TMEM68: variants seen among roughly 807,000 people sequenced by gnomAD.
The protein encoded by TMEM68 is DGAT1/2-independent enzyme synthesizing storage lipids.
In TMEM68, 25 loss-of-function variants were observed where a neutral mutation model predicts 36.9. The observed-to-expected ratio is 0.68, with a 90% confidence interval of 0.49 to 0.95. The LOEUF (loss-of-function observed/expected upper bound fraction) is 0.95, where lower values mean the gene tolerates loss of function less well. Ranked by LOEUF, TMEM68 falls within the 40% of genes least tolerant of loss-of-function variation. The pLI is 0.00. For synonymous variants in TMEM68, 131 were observed against 124.4 expected (o/e 1.05, Z -0.35); for missense variants, 333 against 392.0 (o/e 0.85, Z 1.27).
At chr8:55,750,703 C>A (rs1484612977) in intron 5 of TMEM68, among the ~76,000 whole-genome samples, 4 of 152,080 alleles carry the variant, frequency 2.6e-5, no homozygotes, top group Admixed American at 6.5e-5. Context: ...CCATGCCTGG[C>A]TAATTTTTGT....
At chr8:55,751,350 T>A in intron 4 of TMEM68, 193 bp from the exon 5 acceptor site, 1 of 543,166 alleles carries the variant, frequency 1.8e-6, no homozygotes, top group Non-Finnish European at 3.2e-6. Flanking sequence ...AATTCTTAAG[T>A]AAAACTCACA....
rs561425319 is a variant in TMEM68 at position 55,752,539 on chromosome 8, G to C, written c.494-1382C>G. 3.6e-4 allele frequency among the ~76,000 whole-genome samples: 55 copies of C among 151,494 alleles called. 1 individual carries two copies. Among genetic ancestry groups the C allele is most frequent in the African/African-American group, 1.3e-3 (53 of 41,250 alleles). ...TGAGGCGGAGGTTGCAGTGAGCAAA[G>C]ATCAAGCCACTGCACTCCAACCTGG... On this transcript the variant is annotated intron_variant, in intron 4 of 7. Transcript: ENST00000434581.
At chr8:55,765,795 T>C (rs1563439239) in intron 1 of TMEM68, among the ~76,000 whole-genome samples, 1 of 152,214 alleles carries the variant, frequency 6.6e-6, no homozygotes, top group Non-Finnish European at 1.5e-5. Context: ...TGAATGGGCT[T>C]AGGAGCCAGA....
At position 55,756,259 on chromosome 8, in the gene TMEM68, C is replaced by T; in HGVS notation, c.478G>A (p.Val160Ile). The change falls in exon 4 of 8, where the codon GTC becomes ATC. Residue 160 changes from valine (V) to isoleucine (I), a missense_variant. Transcript: ENST00000434581. Reference sequence around the variant, plus strand: ...GAAAGTTTACCTGGAATTTTAAAGACAAAGTGATCAGCTACTACTCGGCAA... The same window carrying T: ...GAAAGTTTACCTGGAATTTTAAAGATAAAGTGATCAGCTACTACTCGGCAA... ...RTCRVVADHF[V>I]FKIPGFSLLL... is the part of the protein sequence containing the mutation. 7 of 1,593,028 alleles carry T rather than the reference C, an allele frequency of 4.4e-6. No homozygotes were observed. Among genetic ancestry groups the T allele is most frequent in the Non-Finnish European group, 6.0e-6 (7 of 1,175,110 alleles).
chr8:55,763,132 GAGT>G (rs1368530275), intron 2 of TMEM68, 104 bp from the exon 3 acceptor site: 2 of 570,100 alleles, frequency 3.5e-6, no homozygotes, highest in African/African-American at 3.8e-5. Context: ...TACCCAAAAT[GAGT>G]AGATGGTTAA....
At chr8:55,744,807 A>G (rs1731072140) in intron 6 of TMEM68, among the ~76,000 whole-genome samples, 1 of 152,220 alleles carries the variant, frequency 6.6e-6, no homozygotes, top group African/African-American at 2.4e-5. Context: ...ACAATAAACT[A>G]GCTAATTCAC....
intron 5 of TMEM68, chr8:55,748,253 C>T (rs979207307): frequency 6.6e-6 from 1 of 152,260 alleles, no homozygotes; most frequent in African/African-American, 2.4e-5. Flanking sequence ...GTAACCTCCG[C>T]CTCCTGGGTT....
At chr8:55,769,920 AC>A (rs1309897223) in intron 1 of TMEM68, among the ~76,000 whole-genome samples, 1 of 152,222 alleles carries the variant, frequency 6.6e-6, no homozygotes, top group Non-Finnish European at 1.5e-5. Context: ...GGCGTGAGCC[AC>A]CCTGCTTGGC....
chr8:55,769,334 A>AAAAAAG (rs1811080008), intron 1 of TMEM68, among the ~76,000 whole-genome samples: 1 of 150,574 alleles, frequency 6.6e-6, no homozygotes, highest in South Asian at 2.1e-4. Context: ...AAAAAAAAAA[A>AAAAAAG]AAAAAAAGAT....
At chr8:55,761,106 A>T (rs1292146131) in intron 3 of TMEM68, 1 of 152,224 alleles carries the variant, frequency 6.6e-6, no homozygotes, top group Non-Finnish European at 1.5e-5. Flanking sequence ...TAAAAAAAAT[A>T]GTTTACTATA....
chr8:55,748,579 G>C (rs4738459), intron 5 of TMEM68, among the ~76,000 whole-genome samples: 1 of 151,210 alleles, frequency 6.6e-6, no homozygotes, highest in Non-Finnish European at 1.5e-5. Flanking sequence ...GGGAGGAAGG[G>C]GGGGAGAGAG....
chr8:55,756,356 A>T lies in TMEM68; in HGVS notation c.381T>A (p.Ile127=), dbSNP rs1563433534. The T allele has an allele frequency of 6.2e-7, 1 of 1,603,990 alleles. No homozygotes were observed. Among genetic ancestry groups the T allele is most frequent in the Non-Finnish European group, 8.5e-7 (1 of 1,176,906 alleles). ...KIPEDGPALI[I]FYHGAIPIDF... ...CTATAGGAATAGCTCCATGATAAAA[A>T]ATTATAAGTGCTGGTCCATCTTCTG... Residue 127 remains isoleucine, a synonymous_variant, in exon 4 of 8, where the codon ATT becomes ATA. Transcript: ENST00000434581.
In TMEM68 at chr8:55,773,355, T is replaced by G; in HGVS notation, c.-201A>C. 5.4e-6 allele frequency: 2 copies of G among 372,524 alleles called. No individual in the cohort carries two copies. The highest frequency in any genetic ancestry group is 4.8e-5 in the East Asian group (1 of 20,838). 23.1% of individuals were successfully genotyped at this position (372,524 alleles called of 1,614,324 possible). A position where few individuals can be genotyped will look rare whatever the true frequency, so the allele number is the denominator to read the frequency against. On this transcript the variant is annotated 5_prime_UTR_variant, in exon 1 of 8. Coordinates refer to ENST00000434581, the MANE Select transcript of TMEM68 (RefSeq NM_001286657.2). ...CGGCGGATTCCTCCGAAGCAACCCG[T>G]GTGAAAGAAGCCAAGCGGCGGCTGC...
intron 1 of TMEM68, among the ~76,000 whole-genome samples, chr8:55,771,811 C>T (rs559930029): frequency 6.6e-6 from 1 of 152,272 alleles, no homozygotes; most frequent in Non-Finnish European, 1.5e-5. Context: ...AGAGATACAG[C>T]ACTGTTTTAC....
At chr8:55,766,619 G>A (rs1449963156) in intron 1 of TMEM68, among the ~76,000 whole-genome samples, 9 of 151,808 alleles carry the variant, frequency 5.9e-5, no homozygotes, top group Non-Finnish European at 1.0e-4. Context: ...CTTGTGATCC[G>A]CCCGCCTCGG....
Position 55,754,333 on chromosome 8 carries a change from A to C in TMEM68, c.493+1911T>G, listed in dbSNP as rs13264070. 3.9e-3 allele frequency among the ~76,000 whole-genome samples: 580 copies of C among 150,608 alleles called. 6 individuals are homozygous for C. Among genetic ancestry groups the C allele is most frequent in the African/African-American group, 0.014 (561 of 41,004 alleles). The stretch of plus-strand genomic sequence containing the variant: ...CCAACTACTTGGGAGGCTGAGGTAC[A>C]AGAATCGGTTGAACTACTTGGGAGG... On this transcript the variant is annotated intron_variant, in intron 4 of 7. Transcript: ENST00000434581.
chr8:55,743,047 T>C (rs143473330), intron 7 of TMEM68, among the ~76,000 whole-genome samples: 110 of 152,298 alleles, frequency 7.2e-4, no homozygotes, highest in Middle Eastern at 3.4e-3. Flanking sequence ...CAGTGCTACA[T>C]CTCCTGAAGT....
intron 1 of TMEM68, among the ~76,000 whole-genome samples, chr8:55,766,647 A>G (rs11783825): frequency 4.6e-5 from 7 of 151,908 alleles, no homozygotes; most frequent in African/African-American, 7.3e-5. Flanking sequence ...AAGTGCTGGG[A>G]TTACAGGCAT....
rs758363036 is a variant in TMEM68, at chr8:55,768,700, G to T, written c.-115+4569C>A. On this transcript the variant is annotated intron_variant, in intron 1 of 7. Coordinates refer to ENST00000434581, the MANE Select transcript of TMEM68 (RefSeq NM_001286657.2). ...ATCTCTACTAAAAATGCAAAAATTAGCCAGGTGTGGTGATGCATTCCTGTA... is the reference window on the plus strand; with the variant it reads ...ATCTCTACTAAAAATGCAAAAATTATCCAGGTGTGGTGATGCATTCCTGTA... Among the ~76,000 whole-genome samples the T allele has an allele frequency of 2.6e-5, 4 of 151,966 alleles. No individual in the cohort carries two copies. The South Asian group carries it at 8.3e-4, about 32-fold the overall frequency.
Sources: gnomAD v4.1 joint callset for allele counts (sites outside exome capture counted in the v4.1 genomes callset) on GRCh38, gnomAD v4.1.1 for gene constraint, MANE v1.5 for transcripts, NCBI Gene and HGNC (gene_info 2026-07-23, HGNC 2026-07-21) for gene names.